Variants in LARP1 observed in about 807,000 individuals in gnomAD.
LARP1 encodes the protein la-related protein 1.
Under a neutral mutation model 122.7 loss-of-function variants are expected in LARP1, and 36 were observed. The ratio of observed to expected loss-of-function variants is 0.29; its 90% confidence interval spans 0.22 to 0.39. The LOEUF (loss-of-function observed/expected upper bound fraction) is 0.39, where lower values mean the gene tolerates loss of function less well. LARP1 is among the 10% of genes least tolerant of loss of function. The probability of loss-of-function intolerance (pLI) is 1.00; values close to 1 mark genes in which losing one functional copy is unlikely to be tolerated. For synonymous variants in LARP1, 539 were observed against 528.7 expected (o/e 1.02, Z -0.27); for missense variants, 1,040 against 1,403.6 (o/e 0.74, Z 4.14).
chr5:154,712,937 G>A, exon 1 of LARP1: 2 of 1,614,124 alleles, frequency 1.2e-6, no homozygotes, highest in Non-Finnish European at 1.7e-6. Flanking sequence ...TGCTTTGGAG[G>A]GTGCTTTTGT....
intron 1 of LARP1, among the ~76,000 whole-genome samples, chr5:154,725,994 C>T (rs960350339): frequency 9.2e-4 from 135 of 146,560 alleles, no homozygotes; most frequent in African/African-American, 3.1e-3. Context: ...GCTCCCGCCA[C>T]CACACCAGCT....
chr5:154,769,460 CGGT>C (rs1379685052), intron 1 of LARP1, among the ~76,000 whole-genome samples: 3 of 152,082 alleles, frequency 2.0e-5, no homozygotes, highest in Admixed American at 6.6e-5. Context: ...TGAGAGGAGG[CGGT>C]GGGGGACGTG....
intron 16 of LARP1, among the ~76,000 whole-genome samples, chr5:154,809,343 A>G (rs1582485995): frequency 8.1e-6 from 1 of 122,764 alleles, no homozygotes; most frequent in African/African-American, 3.1e-5. Context: ...ACCTCCCCAC[A>G]CCCCCACCCC....
chr5:154,717,266 T>C (rs928015130), intron 1 of LARP1, among the ~76,000 whole-genome samples: 12 of 152,068 alleles, frequency 7.9e-5, no homozygotes, highest in Non-Finnish European at 1.3e-4. Context: ...TACCATTCCC[T>C]ACTATTCTAC....
At chr5:154,756,495 A>G (rs1753922053) in intron 1 of LARP1, 2 of 985,994 alleles carry the variant, frequency 2.0e-6, no homozygotes, top group South Asian at 4.6e-5. Flanking sequence ...CGCTGGTTTC[A>G]GTGAAACGAT....
At chr5:154,811,427 C>CT in intron 17 of LARP1, 71 bp downstream of exon 17, 1 of 1,609,834 alleles carries the variant, frequency 6.2e-7, no homozygotes, top group South Asian at 1.1e-5. Context: ...GGACCTGGGT[C>CT]TTTCTGTGTA....
chr5:154,766,653 T>A (rs775324004), intron 1 of LARP1, among the ~76,000 whole-genome samples: 14 of 152,214 alleles, frequency 9.2e-5, no homozygotes, highest in Non-Finnish European at 1.9e-4. Context: ...TGGGGCAGGC[T>A]TCCAGGTGGC....
chr5:154,789,513 G>A (rs1317022858), intron 1 of LARP1, among the ~76,000 whole-genome samples: 3 of 152,072 alleles, frequency 2.0e-5, no homozygotes, highest in East Asian at 1.9e-4. Context: ...GAGCCACTGC[G>A]CCTGGCCACA....
At chr5:154,704,739 A>G (rs1043318620) in intron 1 of LARP1, among the ~76,000 whole-genome samples, 2 of 151,968 alleles carry the variant, frequency 1.3e-5, no homozygotes, top group African/African-American at 4.8e-5. Context: ...TTTGTAAACT[A>G]TGCATTCGAA....
chr5:154,793,521 A>G (rs903467035), intron 4 of LARP1, 74 bp from the exon 5 acceptor site: 9 of 1,592,056 alleles, frequency 5.7e-6, no homozygotes, highest in African/African-American at 1.3e-5. Flanking sequence ...GGGCAGAAGA[A>G]GAGGAGTTGG....
intron 1 of LARP1, among the ~76,000 whole-genome samples, chr5:154,706,918 A>G (rs1300532314): frequency 2.0e-5 from 3 of 152,190 alleles, no homozygotes; most frequent in Non-Finnish European, 4.4e-5. Context: ...TGTCATTGAA[A>G]AAAAGAAATA....
intron 3 of LARP1, 133 bp downstream of exon 3, chr5:154,790,843 G>C: frequency 1.2e-6 from 1 of 831,474 alleles, no homozygotes; most frequent in Non-Finnish European, 1.9e-6. Flanking sequence ...CCCCAACAGA[G>C]TTTCACTCTT....
At chr5:154,693,976 A>G (rs1002452344) in intron 1 of LARP1, among the ~76,000 whole-genome samples, 2 of 152,208 alleles carry the variant, frequency 1.3e-5, no homozygotes, top group African/African-American at 4.8e-5. Flanking sequence ...AATGAGGCCT[A>G]TAAGAACTAG....
intron 1 of LARP1, among the ~76,000 whole-genome samples, chr5:154,731,778 C>G (rs1186908036): frequency 1.3e-5 from 2 of 152,054 alleles, no homozygotes; most frequent in Non-Finnish European, 2.9e-5. Context: ...GTCTGTAATC[C>G]CAGCACTTTG....
intron 1 of LARP1, among the ~76,000 whole-genome samples, chr5:154,756,708 TAAC>T (rs1753953264): frequency 6.6e-6 from 1 of 152,110 alleles, no homozygotes; most frequent in Non-Finnish European, 1.5e-5. Flanking sequence ...GATTAAAAGT[TAAC>T]AAGTTTTGTT....
At chr5:154,731,038 T>A (rs944597475) in intron 1 of LARP1, among the ~76,000 whole-genome samples, 1 of 151,748 alleles carries the variant, frequency 6.6e-6, no homozygotes, top group African/African-American at 2.4e-5. Context: ...TTGGCCAGGC[T>A]GGTCTTCAAC....
chr5:154,801,284 C>CTTA (rs1758333450), intron 10 of LARP1, among the ~76,000 whole-genome samples: 1 of 152,206 alleles, frequency 6.6e-6, no homozygotes, highest in East Asian at 1.9e-4. Context: ...ATCTGGCTTA[C>CTTA]TTATGTTCAT....
rs752414893 is a variant in LARP1, at chr5:154,804,188, C to T, written c.2440-13C>T. 3.9e-5 allele frequency: 62 copies of T among 1,607,300 alleles called. No individual in the cohort carries two copies. Among genetic ancestry groups the T allele is most frequent in the Non-Finnish European group, 4.5e-5 (53 of 1,173,962 alleles). On this transcript the variant is annotated splice_polypyrimidine_tract_variant and intron_variant, in intron 13 of 18. Coordinates refer to ENST00000518297, the MANE Select transcript of LARP1 (RefSeq NM_033551.3). ...AGTACAAACAGTAACAAACCCTGGG[C>T]TAACCTTTGCAGATGCCTCGAAAAA...
intron 1 of LARP1, among the ~76,000 whole-genome samples, chr5:154,761,689 C>T (rs989346124): frequency 6.6e-6 from 1 of 152,140 alleles, no homozygotes; most frequent in Non-Finnish European, 1.5e-5. Flanking sequence ...ATGGCCTTAC[C>T]TTGCCTGGGA....
Sources: allele counts gnomAD v4.1 joint callset (sites outside exome capture counted in the v4.1 genomes callset), GRCh38; gene constraint gnomAD v4.1.1; transcripts MANE v1.5; gene names NCBI Gene and HGNC (gene_info 2026-07-23, HGNC 2026-07-21).